The following CARNMT1 variants were observed in gnomAD, a reference collection of about 807,000 sequenced individuals.
CARNMT1 encodes the protein protein-L-histidine N-pros-methyltransferase CARNMT1.
A neutral mutation model predicts 49.6 loss-of-function variants in CARNMT1; 28 were observed. The observed-to-expected ratio is 0.56, with a 90% confidence interval of 0.42 to 0.77. CARNMT1 has a LOEUF of 0.77. CARNMT1 is among the 30% of genes least tolerant of loss of function. The pLI is 0.00. For synonymous variants in CARNMT1, 178 were observed against 175.0 expected (o/e 1.02, Z -0.13); for missense variants, 421 against 512.6 (o/e 0.82, Z 1.73).
intron 6 of CARNMT1, among the ~76,000 whole-genome samples, chr9:74,986,484 ACTG>A (rs1832843497): frequency 6.6e-6 from 1 of 152,210 alleles, no homozygotes; most frequent in African/African-American, 2.4e-5. Context: ...TTTCCTGAGC[ACTG>A]CTGTTTCCTA....
chr9:75,011,127 T>G (rs1833679415), intron 3 of CARNMT1, among the ~76,000 whole-genome samples: 1 of 152,062 alleles, frequency 6.6e-6, no homozygotes, highest in Non-Finnish European at 1.5e-5. Flanking sequence ...TTCCCACCCA[T>G]CAGGTTGGCA....
At chr9:75,028,341 A>C (rs1822594718), upstream of CARNMT1, 1 of 1,308,634 alleles carries the variant, frequency 7.6e-7, no homozygotes, top group Non-Finnish European at 9.7e-7. Context: ...CGCCGCGGAC[A>C]TGCCCCCAGC....
At chr9:74,987,431 TG>T (rs1348610345) in intron 6 of CARNMT1, among the ~76,000 whole-genome samples, 25 of 152,056 alleles carry the variant, frequency 1.6e-4, no homozygotes, top group African/African-American at 5.8e-4. Context: ...ATATATCAAA[TG>T]GAAAACTAGT....
chr9:75,005,636 C>A (rs970994973), intron 3 of CARNMT1, among the ~76,000 whole-genome samples: 1 of 151,860 alleles, frequency 6.6e-6, no homozygotes, highest in Non-Finnish European at 1.5e-5. Flanking sequence ...CCACGCCCGG[C>A]TAATTTTTTT....
intron 3 of CARNMT1, among the ~76,000 whole-genome samples, chr9:75,000,942 T>C (rs1020154855): frequency 6.6e-6 from 1 of 152,092 alleles, no homozygotes; most frequent in East Asian, 1.9e-4. Context: ...TGCTATTCCT[T>C]ATATAAGGGA....
At chr9:74,983,979 T>C in intron 7 of CARNMT1, 111 bp from the exon 8 acceptor site, 2 of 586,090 alleles carry the variant, frequency 3.4e-6, no homozygotes, top group Non-Finnish European at 2.9e-6. Flanking sequence ...CATATTCATT[T>C]ATTACATACA....
chr9:74,996,771 T>C (rs916827308), intron 5 of CARNMT1, among the ~76,000 whole-genome samples: 1 of 152,208 alleles, frequency 6.6e-6, no homozygotes, highest in East Asian at 1.9e-4. Context: ...GTAATCAATT[T>C]GGAAATCATC....
intron 3 of CARNMT1, among the ~76,000 whole-genome samples, chr9:75,014,187 C>T (rs965987823): frequency 6.6e-6 from 1 of 152,118 alleles, no homozygotes; most frequent in African/African-American, 2.4e-5. Context: ...AATAAATTCA[C>T]TATACAACCT....
rs1833854118 is a variant in CARNMT1 at position 75,016,430 on chromosome 9, C to T, written c.428G>A (p.Gly143Glu). Residue 143 changes from glycine to glutamate, a missense_variant and splice_region_variant, in exon 3 of 8, where the codon GGG (glycine) becomes GAG (glutamate). Gly to Glu is a moderately conservative substitution (Grantham distance 98). Transcript: ENST00000376834. ...AGATGCTGGCATAATCTTTCCATTC[C>T]CCTGTTTAAAAAACAGACATCAATT... ...MFENKEYGED[G>E]NGKIMPASTF... The T allele has an allele frequency of 6.2e-7, 1 of 1,612,274 alleles. No individual in the cohort carries two copies. The highest frequency in any genetic ancestry group is 1.7e-5 in the Admixed American group (1 of 59,700).
At chr9:75,011,105 C>T (rs576791359) in intron 3 of CARNMT1, among the ~76,000 whole-genome samples, 1 of 151,890 alleles carries the variant, frequency 6.6e-6, no homozygotes, top group African/African-American at 2.4e-5. Flanking sequence ...TAAGACTATG[C>T]CAACATATAA....
chr9:75,008,185 A>G (rs1386875582), intron 3 of CARNMT1, among the ~76,000 whole-genome samples: 2 of 151,108 alleles, frequency 1.3e-5, no homozygotes, highest in African/African-American at 4.9e-5. Flanking sequence ...AAAAAAAAAA[A>G]AAAAAAAAAA....
intron 3 of CARNMT1, among the ~76,000 whole-genome samples, chr9:75,007,293 T>C (rs1466660249): frequency 6.6e-6 from 1 of 152,178 alleles, no homozygotes; most frequent in Admixed American, 6.5e-5. Flanking sequence ...ATCCCAGGAA[T>C]GCAAGGGTGG....
chr9:75,027,896 G>T, intron 1 of CARNMT1, 116 bp downstream of exon 1: 1 of 1,185,374 alleles, frequency 8.4e-7, no homozygotes, highest in Non-Finnish European at 1.1e-6. Flanking sequence ...CAGCAGCCGG[G>T]TCCCGACGCC....
chr9:75,006,839 TAAC>T lies in CARNMT1; in HGVS notation c.591-6972_591-6970del, dbSNP rs139998184. Among the ~76,000 whole-genome samples the T allele has an allele frequency of 4.7e-3, 718 of 152,310 alleles. 8 individuals are homozygous for T. The highest frequency in any genetic ancestry group is 0.015 in the African/African-American group (636 of 41,568). On this transcript the variant is annotated intron_variant, in intron 3 of 7. Transcript: ENST00000376834. The stretch of plus-strand genomic sequence containing the variant: ...CAGTTTACATTTTGTCAAGTAATAA[TAAC>T]AACGGAAAAGGAACAGTGTGTGCTA...
At chr9:75,000,200 G>A (rs999081409) in intron 3 of CARNMT1, among the ~76,000 whole-genome samples, 2 of 151,976 alleles carry the variant, frequency 1.3e-5, no homozygotes, top group Non-Finnish European at 2.9e-5. Context: ...TTATTCCAAA[G>A]GGATCCCAAT....
intron 6 of CARNMT1, 145 bp from the exon 7 acceptor site, chr9:74,985,155 G>A (rs1028315586): frequency 3.2e-6 from 2 of 623,388 alleles, no homozygotes; most frequent in Non-Finnish European, 5.5e-6. Flanking sequence ...CCAGACCTCT[G>A]AAAATTTGGC....
chr9:75,027,087 G>A lies in CARNMT1; in HGVS notation c.230+925C>T. On this transcript the variant is annotated intron_variant, in intron 1 of 7. Coordinates refer to ENST00000376834, the MANE Select transcript of CARNMT1 (RefSeq NM_152420.3). ...AGGTCATGTCTGTCTGATTCCAACT[G>A]CAGCCTCAGAACATAGTCACCGGTG... 2.3e-6 allele frequency: 3 copies of A among 1,304,262 alleles called. No homozygotes were observed. In the South Asian group the frequency reaches 3.7e-5, roughly 16 times the overall value. 80.8% of individuals were successfully genotyped at this position (1,304,262 alleles called of 1,614,324 possible). A position where few individuals can be genotyped will look rare whatever the true frequency, so the allele number is the denominator to read the frequency against.
intron 1 of CARNMT1, among the ~76,000 whole-genome samples, chr9:75,022,642 G>A (rs567490092): frequency 6.6e-6 from 1 of 152,260 alleles, no homozygotes; most frequent in East Asian, 1.9e-4. Flanking sequence ...ATCAAGTTAG[G>A]CAAACAGCAG....
At chr9:75,018,522 C>T (rs941946428) in intron 1 of CARNMT1, among the ~76,000 whole-genome samples, 2 of 152,146 alleles carry the variant, frequency 1.3e-5, no homozygotes, top group East Asian at 1.9e-4. Flanking sequence ...TAAGTGCATA[C>T]ATCAGCGCAA....
Sources: gnomAD v4.1 joint callset for allele counts (sites outside exome capture counted in the v4.1 genomes callset) on GRCh38, gnomAD v4.1.1 for gene constraint, MANE v1.5 for transcripts, NCBI Gene and HGNC (gene_info 2026-07-23, HGNC 2026-07-21) for gene names.